The following CCR9 variants were observed in gnomAD, a reference collection of about 807,000 sequenced individuals.
CCR9 encodes the protein C-C motif chemokine receptor 9, also known as C-C chemokine receptor type 9.
In CCR9, 4 loss-of-function variants were observed where a neutral mutation model predicts 8.7. The observed-to-expected ratio is 0.46, with a 90% CI of 0.23 to 1.06. The LOEUF (loss-of-function observed/expected upper bound fraction) is 1.06, where lower values mean the gene tolerates loss of function less well. CCR9 is among the 50% of genes least tolerant of loss of function. CCR9 has a pLI of 0.21. For missense variants in CCR9, 394 were observed against 453.6 expected (o/e 0.87, Z 1.19); for synonymous variants, 159 against 168.8 (o/e 0.94, Z 0.45).
Position 45,900,640 on chromosome 3 carries a change from A to T in CCR9, c.22-170A>T, listed in dbSNP as rs1303480025. Reference sequence around the variant, plus strand: ...GTATGTGCTTAATAAACATCTGTTGAATAAATAAATATGTCACAACCCAAG... The same window carrying T: ...GTATGTGCTTAATAAACATCTGTTGTATAAATAAATATGTCACAACCCAAG... On this transcript the variant is annotated intron_variant, in intron 2 of 2. Coordinates refer to ENST00000357632, the MANE Select transcript of CCR9 (RefSeq NM_031200.3). The surrounding 1 kb of genome is among the most constrained non-coding windows in gnomAD (Gnocchi z 4.7). 6.6e-6 allele frequency among the ~76,000 whole-genome samples: 1 copy of T among 152,200 alleles called. No homozygotes were observed. The highest frequency in any genetic ancestry group is 2.4e-5 in the African/African-American group (1 of 41,446).
chr3:45,890,837 C>A (rs1437173821), intron 1 of CCR9, among the ~76,000 whole-genome samples: 2 of 152,234 alleles, frequency 1.3e-5, no homozygotes, highest in African/African-American at 4.8e-5. Context: ...TGGGGCACAG[C>A]CCCTGTCGGA....
intron 1 of CCR9, among the ~76,000 whole-genome samples, chr3:45,890,083 C>T (rs979365227): frequency 6.7e-6 from 1 of 149,902 alleles, no homozygotes. Context: ...TTACCAATGT[C>T]GTTACCATCT....
chr3:45,890,488 G>T (rs1011207227), intron 1 of CCR9, among the ~76,000 whole-genome samples: 1 of 148,120 alleles, frequency 6.8e-6, no homozygotes, highest in Non-Finnish European at 1.5e-5. Context: ...TTTCATCTGG[G>T]GCAAAAAAAA....
chr3:45,901,723 T>G lies in CCR9; in HGVS notation c.935T>G (p.Leu312Arg). ...TQTIAFFHSC[L>R]NPVLYVFVGE... ...ACCATCGCCTTCTTCCACAGTTGCC[T>G]GAACCCTGTTCTCTATGTTTTTGTG... The change falls in exon 3 of 3, where the codon CTG becomes CGG. Residue 312 changes from leucine (L) to arginine (R), a missense_variant. By Grantham distance (102) the Leu-to-Arg change is moderately radical. Coordinates refer to ENST00000357632, the MANE Select transcript of CCR9 (RefSeq NM_031200.3). This position sits in a 1 kb window ranked among gnomAD's most constrained non-coding sequence, Gnocchi z 4.3. 2.5e-6 allele frequency: 4 copies of G among 1,614,218 alleles called. No homozygotes were observed. The highest frequency in any genetic ancestry group is 3.4e-6 in the Non-Finnish European group (4 of 1,180,024).
Position 45,901,023 on chromosome 3 carries a change from G to T in CCR9, c.235G>T (p.Val79Leu). 2 of 1,614,236 alleles carry T rather than the reference G, an allele frequency of 1.2e-6. No homozygotes were observed. The highest frequency in any genetic ancestry group is 1.7e-6 in the Non-Finnish European group (2 of 1,180,034). The part of the protein sequence containing the change: ...VILVYWYCTR[V>L]KTMTDMFLLN... ...CCTTGTCTACTGGTACTGCACAAGA[G>T]TGAAGACCATGACCGACATGTTCCT... The change falls in exon 3 of 3, where the codon GTG becomes TTG. Residue 79 changes from valine to leucine, a missense_variant. Coordinates refer to ENST00000357632, the MANE Select transcript of CCR9 (RefSeq NM_031200.3). This position sits in a 1 kb window ranked among gnomAD's most constrained non-coding sequence, Gnocchi z 4.3.
intron 1 of CCR9, among the ~76,000 whole-genome samples, chr3:45,891,623 C>T (rs889003724): frequency 2.6e-5 from 4 of 152,148 alleles, no homozygotes; most frequent in Admixed American, 2.6e-4. Context: ...AATCCGGATG[C>T]AGCACTATCA....
chr3:45,897,465 G>A (rs1702393930), intron 2 of CCR9: 3 of 765,218 alleles, frequency 3.9e-6, no homozygotes. Flanking sequence ...TTCAGTCTTG[G>A]GAGTGTTAGC....
intron 1 of CCR9, among the ~76,000 whole-genome samples, chr3:45,892,527 A>G (rs1336889233): frequency 6.6e-6 from 1 of 152,166 alleles, no homozygotes; most frequent in East Asian, 1.9e-4. Context: ...TATGGACACA[A>G]AAAAGGGAAT....
At chr3:45,888,166 C>G (rs878938075) in intron 1 of CCR9, among the ~76,000 whole-genome samples, 1 of 152,200 alleles carries the variant, frequency 6.6e-6, no homozygotes, top group Admixed American at 6.5e-5. Context: ...ATTAGCAGCT[C>G]TCTCCCTTCC....
In CCR9 at chr3:45,901,272, C is replaced by T. The variant is rs1553617912; in HGVS notation, c.484C>T (p.Leu162Phe). The T allele has an allele frequency of 5.0e-6, 8 of 1,614,186 alleles. No homozygotes were observed. The highest frequency in any genetic ancestry group is 6.8e-6 in the Non-Finnish European group (8 of 1,180,036). Residue 162 changes from leucine (L) to phenylalanine (F), a missense_variant, in exon 3 of 3, where the codon CTT becomes TTT. By Grantham distance (22) the Leu-to-Phe change is conservative. Transcript: ENST00000357632. This position sits in a 1 kb window ranked among gnomAD's most constrained non-coding sequence, Gnocchi z 4.3. ...MRAHTWREKR[L>F]LYSKMVCFTI... is the part of the protein sequence containing the mutation. Reference sequence around the variant, plus strand: ...AGCACATACTTGGAGGGAGAAAAGGCTTTTGTACAGCAAAATGGTTTGCTT... The same window carrying T: ...AGCACATACTTGGAGGGAGAAAAGGTTTTTGTACAGCAAAATGGTTTGCTT...
chr3:45,893,657 C>T (rs867377224), intron 1 of CCR9, among the ~76,000 whole-genome samples: 32 of 152,314 alleles, frequency 2.1e-4, no homozygotes, highest in Admixed American at 5.2e-4. Flanking sequence ...TTCCATTGGA[C>T]GGATATTTCA....
intron 2 of CCR9, among the ~76,000 whole-genome samples, chr3:45,898,259 C>T (rs566855609): frequency 6.6e-6 from 1 of 152,288 alleles, no homozygotes; most frequent in African/African-American, 2.4e-5. Context: ...TACAGGACGA[C>T]TGTCTTAGTG....
intron 1 of CCR9, among the ~76,000 whole-genome samples, chr3:45,890,029 A>G (rs989143421): frequency 9.3e-5 from 14 of 150,876 alleles, no homozygotes; most frequent in Non-Finnish European, 1.6e-4. Flanking sequence ...GATCACATAA[A>G]TTTATACTCC....
intron 2 of CCR9, among the ~76,000 whole-genome samples, chr3:45,899,184 A>C (rs1702466383): frequency 6.6e-6 from 1 of 152,230 alleles, no homozygotes; most frequent in African/African-American, 2.4e-5. Flanking sequence ...ACAAACAAAT[A>C]AATAAAACAA....
chr3:45,896,435 C>T (rs1413083759), intron 2 of CCR9, among the ~76,000 whole-genome samples: 1 of 152,222 alleles, frequency 6.6e-6, no homozygotes, highest in Non-Finnish European at 1.5e-5. Context: ...AGCCGTGGCA[C>T]CCTGTGGCCA....
At chr3:45,891,831 T>C (rs2125744741) in intron 1 of CCR9, among the ~76,000 whole-genome samples, 1 of 152,316 alleles carries the variant, frequency 6.6e-6, no homozygotes, top group South Asian at 2.1e-4. Flanking sequence ...CCAATTACTT[T>C]GCAGAAAGTC....
intron 2 of CCR9, 99 bp downstream of exon 2, chr3:45,895,053 G>C: frequency 7.9e-7 from 1 of 1,267,588 alleles, no homozygotes; most frequent in Admixed American, 1.7e-5. Context: ...GGATTTATCT[G>C]TGTGGTTTCC....
intron 2 of CCR9, among the ~76,000 whole-genome samples, chr3:45,899,841 C>T (rs1702487499): frequency 6.6e-6 from 1 of 152,164 alleles, no homozygotes; most frequent in Admixed American, 6.5e-5. Context: ...GTCTCATTTC[C>T]AGACCTCATT....
At position 45,901,406 on chromosome 3, in the gene CCR9, G is replaced by C. The variant is rs148893037; in HGVS notation, c.618G>C (p.Glu206Asp). 1 of 1,614,198 alleles carries C rather than the reference G, an allele frequency of 6.2e-7. No individual in the cohort carries two copies. Among genetic ancestry groups the C allele is most frequent in the Non-Finnish European group, 8.5e-7 (1 of 1,180,038 alleles). ...AICTMVYPSD[E>D]STKLKSAVLT... ...GCACCATGGTTTACCCTAGCGATGAGAGCACCAAACTGAAGTCAGCTGTCT... is the reference window on the plus strand; with the variant it reads ...GCACCATGGTTTACCCTAGCGATGACAGCACCAAACTGAAGTCAGCTGTCT... Residue 206 changes from glutamate (E) to aspartate (D), a missense_variant, in exon 3 of 3, where the codon GAG (glutamate) becomes GAC (aspartate). Physicochemically the swap from Glu to Asp is conservative, Grantham distance 45. Transcript: ENST00000357632. This position sits in a 1 kb window ranked among gnomAD's most constrained non-coding sequence, Gnocchi z 4.3.
Sources: gnomAD v4.1 joint callset for allele counts (sites outside exome capture counted in the v4.1 genomes callset) on GRCh38, gnomAD v4.1.1 for gene constraint, Gnocchi (gnomAD v3.1) non-coding constraint, MANE v1.5 for transcripts, NCBI Gene and HGNC (gene_info 2026-07-23, HGNC 2026-07-21) for gene names.